Variants in TRAF7 observed in about 807,000 individuals in gnomAD.
TRAF7 encodes the protein E3 ubiquitin-protein ligase TRAF7.
In TRAF7, 45 loss-of-function variants were observed where a neutral mutation model predicts 89.3. The ratio of observed to expected loss-of-function variants is 0.50; its 90% CI spans 0.40 to 0.65. The LOEUF (loss-of-function observed/expected upper bound fraction) is 0.65, where lower values mean the gene tolerates loss of function less well. TRAF7 is among the 30% of genes least tolerant of loss of function. TRAF7 has a pLI of 0.00. For missense variants in TRAF7, 677 were observed against 918.1 expected (o/e 0.74, Z 3.39); for synonymous variants, 406 against 369.2 (o/e 1.10, Z -1.14).
rs755801939 is a variant in TRAF7, at chr16:2,176,300, C to A, written c.1914C>A (p.Thr638=). 3 of 1,603,562 alleles carry A rather than the reference C, an allele frequency of 1.9e-6. No homozygotes were observed. Among genetic ancestry groups the A allele is most frequent in the African/African-American group, 2.7e-5 (2 of 74,926 alleles). ...WSMDNMICTQ[T]LLRHQGSVTA... is the part of the protein sequence containing the mutation. ...TGGACAACATGATCTGCACGCAGACCCTGCTGCGTCACCAGGGCAGTGTCA... is the reference window on the plus strand; with the variant it reads ...TGGACAACATGATCTGCACGCAGACACTGCTGCGTCACCAGGGCAGTGTCA... Residue 638 remains threonine (T), a synonymous_variant, in exon 20 of 21, where the codon ACC becomes ACA. Coordinates refer to ENST00000326181, the MANE Select transcript of TRAF7 (RefSeq NM_032271.3).
Position 2,175,297 on chromosome 16 carries a change from T to G in TRAF7, c.1387-4T>G, listed in dbSNP as rs761797059. ...CCTGAGGCTGCCGGTCCTTCCCCAA[T>G]CAGGTGTGGGACATCCAGAACCTGC... On this transcript the variant is annotated splice_polypyrimidine_tract_variant and splice_region_variant and intron_variant, in intron 15 of 20. Transcript: ENST00000326181. 8.7e-6 allele frequency: 14 copies of G among 1,612,890 alleles called. No individual in the cohort carries two copies. Among genetic ancestry groups the G allele is most frequent in the Non-Finnish European group, 1.2e-5 (14 of 1,179,686 alleles).
At position 2,175,927 on chromosome 16, in the gene TRAF7, T is replaced by C. The variant is rs2141297646; in HGVS notation, c.1720T>C (p.Cys574Arg). The part of the protein sequence containing the change: ...SIAVTNHHIV[C>R]GTYENLIHVW... ...TGCTGTGACAAATCACCACATTGTC[T>C]GTGGCACCTACGAGAACCTCATCCA... Residue 574 changes from cysteine (C) to arginine (R), a missense_variant, in exon 18 of 21, where the codon TGT (cysteine) becomes CGT (arginine). Physicochemically the swap from Cys to Arg is radical, Grantham distance 180. Coordinates refer to ENST00000326181, the MANE Select transcript of TRAF7 (RefSeq NM_032271.3). 6.2e-7 allele frequency: 1 copy of C among 1,613,452 alleles called. No homozygotes were observed. Among genetic ancestry groups the C allele is most frequent in the Non-Finnish European group, 8.5e-7 (1 of 1,179,978 alleles).
Position 2,162,162 on chromosome 16 carries a change from G to C in TRAF7, c.-38-1721G>C, listed in dbSNP as rs562966160. ...GGGGCTGAGATGTCGGGTTGAGCCC[G>C]AGTCCTGAAGGCTGAGTGGCTCCAG... is the stretch of plus-strand genomic sequence containing the variant. On this transcript the variant is annotated intron_variant, in intron 1 of 20. Coordinates refer to ENST00000326181, the MANE Select transcript of TRAF7 (RefSeq NM_032271.3). This position sits in a 1 kb window ranked among gnomAD's most constrained non-coding sequence, Gnocchi z 5.0. Among the ~76,000 whole-genome samples the C allele has an allele frequency of 6.6e-6, 1 of 152,254 alleles. No homozygotes were observed. The highest frequency in any genetic ancestry group is 6.5e-5 in the Admixed American group (1 of 15,292).
In TRAF7 at chr16:2,168,063, C is replaced by A. The variant is rs549092067; in HGVS notation, c.140-14C>A. The A allele has an allele frequency of 8.1e-4, 1,306 of 1,609,880 alleles. 13 individuals are homozygous for A. The highest frequency in any genetic ancestry group is 7.9e-3 in the East Asian group (355 of 44,868). On this transcript the variant is annotated splice_polypyrimidine_tract_variant and intron_variant, in intron 3 of 20. Coordinates refer to ENST00000326181, the MANE Select transcript of TRAF7 (RefSeq NM_032271.3). This position sits in a 1 kb window ranked among gnomAD's most constrained non-coding sequence, Gnocchi z 4.1. ...GGGAGCCCCCACTGAGACGCCAGCC[C>A]TCTTGCCTTGCAGCTGACGGGACCA...
chr16:2,171,308 T>G lies in TRAF7; in HGVS notation c.393T>G (p.Cys131Trp), dbSNP rs753998065. Residue 131 changes from cysteine to tryptophan, a missense_variant, in exon 6 of 21, where the codon TGT (cysteine) becomes TGG (tryptophan). Physicochemically the swap from Cys to Trp is radical, Grantham distance 215. Coordinates refer to ENST00000326181, the MANE Select transcript of TRAF7 (RefSeq NM_032271.3). ...AGCAGCCCTCGGTGAAGCTGTGCTGTCAGCTCTGCTGCAGCGTCTTCAAAG... is the reference window on the plus strand; with the variant it reads ...AGCAGCCCTCGGTGAAGCTGTGCTGGCAGCTCTGCTGCAGCGTCTTCAAAG... ...FAEQPSVKLC[C>W]QLCCSVFKDP... The G allele has an allele frequency of 6.4e-7, 1 of 1,556,242 alleles. No homozygotes were observed. The highest frequency in any genetic ancestry group is 1.2e-5 in the South Asian group (1 of 84,726).
intron 15 of TRAF7, 70 bp from the exon 16 acceptor site, chr16:2,175,231 C>T (rs538530535): frequency 1.2e-5 from 20 of 1,612,434 alleles, no homozygotes; most frequent in Middle Eastern, 3.3e-4. Flanking sequence ...ACGTGTTTCT[C>T]CCCGTCTGGG....
chr16:2,155,945 G>T (rs1366913893), intron 1 of TRAF7, 87 bp downstream of exon 1: 3 of 147,114 alleles, frequency 2.0e-5, no homozygotes, highest in African/African-American at 5.1e-5. Flanking sequence ...AGATCGAGGC[G>T]AGGCGAGGCG....
Position 2,176,677 on chromosome 16 carries a change from G to A in TRAF7, c.*103G>A. On this transcript the variant is annotated 3_prime_UTR_variant, in exon 21 of 21. Coordinates refer to ENST00000326181, the MANE Select transcript of TRAF7 (RefSeq NM_032271.3). ...CTCGGGGTTTCTGCCTGCCCCGTGGGCATAGGTGGACAGGCTCTGGCAGCC... is the reference window on the plus strand; with the variant it reads ...CTCGGGGTTTCTGCCTGCCCCGTGGACATAGGTGGACAGGCTCTGGCAGCC... 1.9e-6 allele frequency: 3 copies of A among 1,566,196 alleles called. No individual in the cohort carries two copies. Among genetic ancestry groups the A allele is most frequent in the South Asian group, 1.1e-5 (1 of 89,216 alleles).
chr16:2,174,827 G>T (rs1007451855), intron 14 of TRAF7, among the ~76,000 whole-genome samples: 1 of 152,226 alleles, frequency 6.6e-6, no homozygotes, highest in South Asian at 2.1e-4. Context: ...CAGCTTGACT[G>T]CCAGCAGCCG....
chr16:2,174,459 C>G, intron 14 of TRAF7, 126 bp downstream of exon 14: 1 of 838,768 alleles, frequency 1.2e-6, no homozygotes, highest in Non-Finnish European at 1.9e-6. Context: ...ATAGGGCACC[C>G]TCCACCCGGA....
intron 3 of TRAF7, among the ~76,000 whole-genome samples, chr16:2,166,681 C>T (rs2093087637): frequency 6.6e-6 from 1 of 152,226 alleles, no homozygotes; most frequent in Non-Finnish European, 1.5e-5. Flanking sequence ...GAATTACAGG[C>T]ATGAGCCAGC....
intron 4 of TRAF7, 43 bp from the exon 5 acceptor site, chr16:2,170,571 C>A: frequency 1.3e-6 from 2 of 1,500,202 alleles, no homozygotes; most frequent in Non-Finnish European, 1.8e-6. Context: ...GAGGCTCTGA[C>A]CCCGTGCGGA....
chr16:2,164,435 G>A (rs1222473197), intron 2 of TRAF7, among the ~76,000 whole-genome samples: 1 of 144,014 alleles, frequency 6.9e-6, no homozygotes, highest in Non-Finnish European at 1.5e-5. Context: ...GGCCTGGCCT[G>A]GTCGCATGGT....
intron 19 of TRAF7, 24 bp downstream of exon 19, chr16:2,176,204 A>G: frequency 6.2e-7 from 1 of 1,602,098 alleles, no homozygotes. Context: ...CAGCGGTGGC[A>G]GGAGGCTCAG....
rs956332477 is a variant in TRAF7, at chr16:2,167,569, G to A, written c.140-508G>A. Among the ~76,000 whole-genome samples, 17 of 152,320 alleles carry A rather than the reference G, an allele frequency of 1.1e-4. No homozygotes were observed. In the South Asian group the frequency reaches 1.2e-3, roughly 11 times the overall value. On this transcript the variant is annotated intron_variant, in intron 3 of 20. Transcript: ENST00000326181. ...GGCTGTGCCAGGGACACCAGGATGC[G>A]GTCCTGGCCCTTCTGTATCCCAGCC...
rs569442359 is a variant in TRAF7 at position 2,161,281 on chromosome 16, G to C, written c.-38-2602G>C. ...CTTCCGTCCCCCTCAGCTGGCGCTC[G>C]ATGGGGTCTTGCGCACACCCCACAG... On this transcript the variant is annotated intron_variant, in intron 1 of 20. Coordinates refer to ENST00000326181, the MANE Select transcript of TRAF7 (RefSeq NM_032271.3). The surrounding 1 kb of genome is among the most constrained non-coding windows in gnomAD (Gnocchi z 5.2). 4.7e-5 allele frequency among the ~76,000 whole-genome samples: 7 copies of C among 148,578 alleles called. No individual in the cohort carries two copies. Among genetic ancestry groups the C allele is most frequent in the South Asian group, 2.2e-4 (1 of 4,626 alleles).
chr16:2,169,429 T>A (rs867283215), intron 4 of TRAF7, among the ~76,000 whole-genome samples: 1 of 152,054 alleles, frequency 6.6e-6, no homozygotes, highest in Non-Finnish European at 1.5e-5. Flanking sequence ...GAGTCCTCCA[T>A]GTCTGTGGTT....
At position 2,175,101 on chromosome 16, in the gene TRAF7, G is replaced by C. The variant is rs779569964; in HGVS notation, c.1347-10G>C. 2 of 1,613,734 alleles carry C rather than the reference G, an allele frequency of 1.2e-6. No homozygotes were observed. The highest frequency in any genetic ancestry group is 8.5e-7 in the Non-Finnish European group (1 of 1,179,960). ...TCTCCCACCTTGACACATTGTCTCTGCTTCCCCAGGTGCAAACTCTACAGC... is the reference window on the plus strand; with the variant it reads ...TCTCCCACCTTGACACATTGTCTCTCCTTCCCCAGGTGCAAACTCTACAGC... On this transcript the variant is annotated splice_polypyrimidine_tract_variant and intron_variant, in intron 14 of 20. Transcript: ENST00000326181.
intron 3 of TRAF7, among the ~76,000 whole-genome samples, chr16:2,166,697 A>C (rs907547759): frequency 1.3e-5 from 2 of 152,234 alleles, no homozygotes; most frequent in Non-Finnish European, 2.9e-5. Flanking sequence ...CCAGCAAGCC[A>C]AGCCCAATAA....
Sources: allele counts gnomAD v4.1 joint callset (sites outside exome capture counted in the v4.1 genomes callset), GRCh38; gene constraint gnomAD v4.1.1; non-coding constraint Gnocchi (gnomAD v3.1); transcripts MANE v1.5; gene names NCBI Gene and HGNC (gene_info 2026-07-23, HGNC 2026-07-21).